PARD3B: variants seen among roughly 807,000 people sequenced by gnomAD.
PARD3B encodes partitioning defective 3 homolog B.
PARD3B carries 103 observed loss-of-function variants against 130.2 expected under a neutral mutation model. That is an observed-to-expected ratio of 0.79 (90% CI 0.67 to 0.93). The LOEUF is 0.93. Ranked by LOEUF, PARD3B falls within the 40% of genes least tolerant of loss-of-function variation. The pLI, the probability that PARD3B is intolerant of heterozygous loss-of-function variation, is 0.00. For missense variants in PARD3B, 1,609 were observed against 1,499.2 expected (o/e 1.07, Z -1.21); for synonymous variants, 583 against 553.2 (o/e 1.05, Z -0.76).
chr2:205,413,552 G>T (rs1256380264), intron 19 of PARD3B, among the ~76,000 whole-genome samples: 1 of 152,162 alleles, frequency 6.6e-6, no homozygotes, highest in Non-Finnish European at 1.5e-5. Context: ...AGCAGAATAG[G>T]CTAAATCAAT....
intron 22 of PARD3B, among the ~76,000 whole-genome samples, chr2:205,554,536 TTTTC>T (rs2052794583): frequency 6.6e-6 from 1 of 151,998 alleles, no homozygotes; most frequent in Non-Finnish European, 1.5e-5. Context: ...TATCTTCCTG[TTTTC>T]TTTTCTTTAA....
chr2:205,393,221 C>CA (rs2045917729), intron 18 of PARD3B, among the ~76,000 whole-genome samples: 2 of 152,168 alleles, frequency 1.3e-5, no homozygotes, highest in African/African-American at 4.8e-5. Flanking sequence ...GGGTGAATTT[C>CA]AGAATCAACT....
intron 3 of PARD3B, among the ~76,000 whole-genome samples, chr2:204,988,167 T>G (rs2125232270): frequency 6.6e-6 from 1 of 152,298 alleles, no homozygotes; most frequent in South Asian, 2.1e-4. Flanking sequence ...AGACATTGGA[T>G]TAGCACTGCA....
chr2:204,625,717 T>C (rs1013389933), intron 1 of PARD3B, among the ~76,000 whole-genome samples: 3 of 152,178 alleles, frequency 2.0e-5, no homozygotes, highest in Non-Finnish European at 2.9e-5. Context: ...AACCTTTGTT[T>C]TCGAACAAGT....
intron 2 of PARD3B, among the ~76,000 whole-genome samples, chr2:204,729,507 G>T (rs559696536): frequency 1.3e-5 from 2 of 152,280 alleles, no homozygotes; most frequent in East Asian, 3.9e-4. Context: ...TGCTTAAAAT[G>T]TGTTTTTCAG....
intron 2 of PARD3B, among the ~76,000 whole-genome samples, chr2:204,792,298 A>AT (rs912865659): frequency 4.1e-4 from 63 of 152,220 alleles, no homozygotes; most frequent in African/African-American, 1.4e-3. Flanking sequence ...CACCTATCAT[A>AT]TTTTTTCTTA....
At chr2:205,537,987 C>G (rs1400683679) in intron 21 of PARD3B, among the ~76,000 whole-genome samples, 1 of 152,294 alleles carries the variant, frequency 6.6e-6, no homozygotes, top group East Asian at 1.9e-4. Flanking sequence ...ACGTGTTTCT[C>G]TGCTTGCCTA....
intron 2 of PARD3B, among the ~76,000 whole-genome samples, chr2:204,857,313 A>G (rs752315614): frequency 2.0e-5 from 3 of 152,140 alleles, no homozygotes; most frequent in Non-Finnish European, 2.9e-5. Context: ...TCTTTATCTT[A>G]AGAATAAATC....
intron 10 of PARD3B, among the ~76,000 whole-genome samples, chr2:205,133,485 G>C (rs533628256): frequency 6.6e-6 from 1 of 152,104 alleles, no homozygotes; most frequent in Non-Finnish European, 1.5e-5. Context: ...ATTGTAACAA[G>C]CCTTCCAGAT....
chr2:204,789,726 A>G (rs1348011389), intron 2 of PARD3B, among the ~76,000 whole-genome samples: 1 of 152,124 alleles, frequency 6.6e-6, no homozygotes, highest in Non-Finnish European at 1.5e-5. Context: ...AGTCTGTTAC[A>G]TTATTCTTGT....
At position 205,253,444 on chromosome 2, in the gene PARD3B, T is replaced by A. The variant is rs1318395074; in HGVS notation, c.2185+7622T>A. On this transcript the variant is annotated intron_variant, in intron 16 of 22. Coordinates refer to ENST00000406610, the MANE Select transcript of PARD3B (RefSeq NM_001302769.2). This position sits in a 1 kb window ranked among gnomAD's most constrained non-coding sequence, Gnocchi z 4.4. ...GCTGGGCTGGTGGATGGGAAGCCAG[T>A]ATGGATCACCTTGTGGATGGATGCA... 3 of 563,094 alleles carry A rather than the reference T, an allele frequency of 5.3e-6. No homozygotes were observed. The highest frequency in any genetic ancestry group is 4.1e-5 in the South Asian group (3 of 72,744). 34.9% of individuals were successfully genotyped at this position (563,094 alleles called of 1,614,324 possible). A position where few individuals can be genotyped will look rare whatever the true frequency, so the allele number is the denominator to read the frequency against.
intron 18 of PARD3B, among the ~76,000 whole-genome samples, chr2:205,307,617 A>C (rs940347598): frequency 6.6e-6 from 1 of 152,136 alleles, no homozygotes; most frequent in African/African-American, 2.4e-5. Context: ...GTCCTAGGCC[A>C]CCTTCCTGGG....
At chr2:205,570,189 C>G (rs903676215) in intron 22 of PARD3B, among the ~76,000 whole-genome samples, 2 of 152,052 alleles carry the variant, frequency 1.3e-5, no homozygotes, top group Non-Finnish European at 2.9e-5. Context: ...TTCAAGGGAC[C>G]CTCAAATTCT....
intron 1 of PARD3B, among the ~76,000 whole-genome samples, chr2:204,575,750 G>A (rs1191347590): frequency 6.6e-6 from 1 of 152,212 alleles, no homozygotes. Context: ...GGATAGGTGT[G>A]CTTGGTTGAT....
intron 6 of PARD3B, among the ~76,000 whole-genome samples, chr2:205,118,369 A>G (rs922362687): frequency 2.0e-5 from 3 of 152,218 alleles, no homozygotes; most frequent in Admixed American, 2.0e-4. Flanking sequence ...TCCTGATCAC[A>G]CAGGAAACAC....
chr2:204,889,673 G>A (rs2125686321), intron 2 of PARD3B, among the ~76,000 whole-genome samples: 1 of 152,332 alleles, frequency 6.6e-6, no homozygotes, highest in Non-Finnish European at 1.5e-5. Flanking sequence ...TATGTGCTGA[G>A]TAAAATTCAT....
At chr2:205,180,340 T>C (rs946632099) in intron 13 of PARD3B, among the ~76,000 whole-genome samples, 62 of 152,072 alleles carry the variant, frequency 4.1e-4, no homozygotes, top group Admixed American at 1.2e-3. Flanking sequence ...ATAAACATGA[T>C]GCTATAAAAG....
rs2050105224 is a variant in PARD3B, at chr2:205,500,101, T to A, written c.3180+70T>A. The A allele has an allele frequency of 1.9e-6, 3 of 1,545,810 alleles. No homozygotes were observed. The East Asian group carries it at 6.7e-5, about 35-fold the overall frequency. On this transcript the variant is annotated intron_variant, in intron 21 of 22. Transcript: ENST00000406610. Reference sequence around the variant, plus strand: ...GAATGTTTAGAGCAGAAGAACACGGTCAAGAATGTTCTGTACATACCAGAT... The same window carrying A: ...GAATGTTTAGAGCAGAAGAACACGGACAAGAATGTTCTGTACATACCAGAT...
intron 20 of PARD3B, among the ~76,000 whole-genome samples, chr2:205,484,850 T>C (rs2049377172): frequency 6.6e-6 from 1 of 152,184 alleles, no homozygotes; most frequent in Non-Finnish European, 1.5e-5. Flanking sequence ...TTGAAAAAAC[T>C]AGCAACTGTC....
Sources: gnomAD v4.1 joint callset for allele counts (sites outside exome capture counted in the v4.1 genomes callset) on GRCh38, gnomAD v4.1.1 for gene constraint, Gnocchi (gnomAD v3.1) non-coding constraint, MANE v1.5 for transcripts, NCBI Gene and HGNC (gene_info 2026-07-23, HGNC 2026-07-21) for gene names.